PPFIBP2: variants seen among roughly 807,000 people sequenced by gnomAD.
The protein encoded by PPFIBP2 is PPFIB scaffold protein 2.
Under a neutral mutation model 118.3 loss-of-function variants are expected in PPFIBP2, and 118 were observed. The ratio of observed to expected loss-of-function variants is 1.00; its 90% CI spans 0.86 to 1.16. The LOEUF is 1.16. Ranked by LOEUF, PPFIBP2 falls within the 50% of genes most tolerant of loss-of-function variation. The pLI, the probability that PPFIBP2 is intolerant of heterozygous loss-of-function variation, is 0.00. For synonymous variants in PPFIBP2, 414 were observed against 397.4 expected (o/e 1.04, Z -0.50); for missense variants, 1,195 against 1,073.1 (o/e 1.11, Z -1.59).
At chr11:7,631,053 A>G in intron 11 of PPFIBP2, 25 bp downstream of exon 11, 2 of 1,585,246 alleles carry the variant, frequency 1.3e-6, no homozygotes, top group Non-Finnish European at 1.7e-6. Flanking sequence ...TCCATGACGT[A>G]GGGTTTCAGC....
chr11:7,572,324 G>C (rs959616640), intron 3 of PPFIBP2, among the ~76,000 whole-genome samples: 1 of 152,148 alleles, frequency 6.6e-6, no homozygotes, highest in Non-Finnish European at 1.5e-5. Context: ...AGCCAAGACT[G>C]GGGGCCTTCA....
intron 4 of PPFIBP2, among the ~76,000 whole-genome samples, chr11:7,593,780 A>G (rs963423895): frequency 6.6e-6 from 1 of 152,198 alleles, no homozygotes; most frequent in African/African-American, 2.4e-5. Flanking sequence ...ACGGAGAAAG[A>G]TCATCAAGGG....
intron 3 of PPFIBP2, among the ~76,000 whole-genome samples, chr11:7,578,104 G>GA (rs2134954981): frequency 6.6e-6 from 1 of 152,330 alleles, no homozygotes; most frequent in South Asian, 2.1e-4. Context: ...TGCATTTCCG[G>GA]AGGAAAGCTT....
chr11:7,611,548 GAGAAC>G (rs1267740818), intron 6 of PPFIBP2, among the ~76,000 whole-genome samples: 4 of 152,226 alleles, frequency 2.6e-5, no homozygotes, highest in Non-Finnish European at 5.9e-5. Context: ...CCAATAAGCT[GAGAAC>G]AGTAGCTTGT....
Position 7,617,022 on chromosome 11 carries a change from A to T in PPFIBP2, c.619-3913A>T, listed in dbSNP as rs539284025. The T allele has an allele frequency of 4.4e-6, 3 of 681,818 alleles. No individual in the cohort carries two copies. In the South Asian group the frequency reaches 2.0e-4, roughly 45 times the overall value. The allele number at this position is 681,818 out of a possible 1,614,324, so 42.2% of individuals were successfully genotyped here. A position where few individuals can be genotyped will look rare whatever the true frequency, so the allele number is the denominator to read the frequency against. The stretch of plus-strand genomic sequence containing the variant: ...GCCACCTGCTCCCTGCCCCATGCAC[A>T]CTTCCTCTGTGCTGTTCTCTTAAGG... On this transcript the variant is annotated intron_variant, in intron 6 of 23. Transcript: ENST00000299492.
chr11:7,643,350 A>G (rs1852493134), intron 17 of PPFIBP2, among the ~76,000 whole-genome samples: 1 of 152,210 alleles, frequency 6.6e-6, no homozygotes. Flanking sequence ...GGGTCAGGGT[A>G]TAAAAACTTT....
chr11:7,582,674 C>T (rs1404101270), intron 3 of PPFIBP2, among the ~76,000 whole-genome samples: 1 of 151,512 alleles, frequency 6.6e-6, no homozygotes, highest in Non-Finnish European at 1.5e-5. Context: ...AGTCTTCAAC[C>T]TTATACTCCC....
chr11:7,641,831 A>AT (rs1565110881), intron 16 of PPFIBP2: 1 of 583,910 alleles, frequency 1.7e-6, no homozygotes, highest in East Asian at 3.0e-5. Flanking sequence ...GTTGCCTTTC[A>AT]TGTCATGCAT....
intron 6 of PPFIBP2, among the ~76,000 whole-genome samples, chr11:7,620,077 C>A (rs764152464): frequency 5.9e-5 from 9 of 152,126 alleles, no homozygotes; most frequent in Non-Finnish European, 1.2e-4. Context: ...AAACAAGGGT[C>A]CTAGAGTCAG....
the PPFIBP2 span, chr11:7,666,774 T>G: frequency 4.7e-6 from 2 of 428,254 alleles, no homozygotes; most frequent in Non-Finnish European, 8.6e-6. Flanking sequence ...CTCCATGGGA[T>G]GTAGGTTCCC....
chr11:7,543,097 A>C (rs1375401429), intron 1 of PPFIBP2, among the ~76,000 whole-genome samples: 1 of 152,220 alleles, frequency 6.6e-6, no homozygotes, highest in Non-Finnish European at 1.5e-5. Flanking sequence ...GTGATTGAGA[A>C]TTTAGCGCTG....
chr11:7,653,203 G>C lies in PPFIBP2; in HGVS notation c.2616G>C (p.Val872=). 1 of 1,614,158 alleles carries C rather than the reference G, an allele frequency of 6.2e-7. No homozygotes were observed. The highest frequency in any genetic ancestry group is 8.5e-7 in the Non-Finnish European group (1 of 1,180,044). The change falls in exon 24 of 24, where the codon GTG becomes GTC. Residue 872 remains valine, a synonymous_variant. Transcript: ENST00000299492. Reference sequence around the variant, plus strand: ...CTGAACTGGATGGGCTGGACCAGGTGGGACAGATTAGCTGATGCCCTTGTC... The same window carrying C: ...CTGAACTGGATGGGCTGGACCAGGTCGGACAGATTAGCTGATGCCCTTGTC... The part of the protein sequence containing the change: ...DAPELDGLDQ[V]GQIS
chr11:7,635,420 G>T, intron 13 of PPFIBP2, 132 bp from the exon 14 acceptor site: 1 of 828,212 alleles, frequency 1.2e-6, no homozygotes, highest in South Asian at 1.6e-5. Flanking sequence ...GTGATTACTT[G>T]ACATGAAGAT....
chr11:7,577,330 T>TGTGTGTGTGTGCGTGTGTGTGTGC (rs1554958801), intron 3 of PPFIBP2: 6 of 246,962 alleles, frequency 2.4e-5, no homozygotes, highest in South Asian at 1.6e-4. Context: ...CGTGTGTGTG[T>TGTGTGTGTGTGCGTGTGTGTGTGC]GTGTGTGTGT....
intron 1 of PPFIBP2, among the ~76,000 whole-genome samples, chr11:7,543,335 C>T (rs1418649790): frequency 6.6e-6 from 1 of 152,218 alleles, no homozygotes; most frequent in Non-Finnish European, 1.5e-5. Flanking sequence ...AATATAGTGA[C>T]ACTTCTTTAT....
chr11:7,638,168 G>C (rs905472116), intron 14 of PPFIBP2, among the ~76,000 whole-genome samples: 2 of 152,210 alleles, frequency 1.3e-5, no homozygotes, highest in East Asian at 1.9e-4. Context: ...CATCTGGGGT[G>C]TGCTTCCAGA....
At chr11:7,594,349 T>C (rs1859895812) in intron 4 of PPFIBP2, among the ~76,000 whole-genome samples, 1 of 152,238 alleles carries the variant, frequency 6.6e-6, no homozygotes, top group African/African-American at 2.4e-5. Context: ...TCCAGTTTTG[T>C]ATTTTTCTTC....
chr11:7,626,016 T>G, intron 8 of PPFIBP2, 125 bp downstream of exon 8: 1 of 777,746 alleles, frequency 1.3e-6, no homozygotes, highest in Non-Finnish European at 2.1e-6. Context: ...CTAATGGACA[T>G]GCATGTATGT....
Position 7,565,691 on chromosome 11 carries a change from A to C in PPFIBP2, c.203A>C (p.Gln68Pro). 6.2e-7 allele frequency: 1 copy of C among 1,614,168 alleles called. No homozygotes were observed. The highest frequency in any genetic ancestry group is 8.5e-7 in the Non-Finnish European group (1 of 1,180,030). The change falls in exon 3 of 24, where the codon CAG (glutamine) becomes CCG (proline). Residue 68 changes from glutamine (Q) to proline (P), a missense_variant. Transcript: ENST00000299492. ...RLALEMLELP[Q>P]ERAALLSQIP... ...GCCTTGGAGATGCTGGAGCTTCCTC[A>C]GGAGAGAGCAGCCCTCCTGAGCCAG...
Sources: gnomAD v4.1 joint callset for allele counts (sites outside exome capture counted in the v4.1 genomes callset) on GRCh38, gnomAD v4.1.1 for gene constraint, MANE v1.5 for transcripts, NCBI Gene and HGNC (gene_info 2026-07-23, HGNC 2026-07-21) for gene names.